RPS6KC1: variants seen among roughly 807,000 people sequenced by gnomAD.
The protein encoded by RPS6KC1 is inactive ribosomal protein S6 kinase delta-1.
A neutral mutation model predicts 103.8 loss-of-function variants in RPS6KC1; 54 were observed. The observed-to-expected ratio is 0.52, with a 90% CI of 0.42 to 0.65. The LOEUF (loss-of-function observed/expected upper bound fraction) is 0.65. RPS6KC1 is among the 30% of genes least tolerant of loss of function. The pLI is 0.00. For missense variants in RPS6KC1, 1,151 were observed against 1,253.8 expected (o/e 0.92, Z 1.24); for synonymous variants, 439 against 438.7 (o/e 1.00, Z -0.01).
chr1:213,601,977 T>TC, the RPS6KC1 span, among the ~76,000 whole-genome samples: 178 of 24,172 alleles, frequency 7.4e-3, 4 homozygotes, highest in East Asian at 0.049. Flanking sequence ...CCTCCCTTCC[T>TC]TCCTCTCTCT....
the RPS6KC1 span, among the ~76,000 whole-genome samples, chr1:213,764,565 G>C: frequency 6.6e-6 from 1 of 152,172 alleles, no homozygotes; most frequent in East Asian, 1.9e-4. Context: ...TACAACCTCA[G>C]AAGCTCTAGT....
chr1:213,074,287 T>A (rs1410106126), intron 2 of RPS6KC1, among the ~76,000 whole-genome samples: 1 of 152,232 alleles, frequency 6.6e-6, no homozygotes, highest in Non-Finnish European at 1.5e-5. Context: ...TTTATATGGT[T>A]GTCACTGAAT....
At chr1:213,247,192 C>T (rs1473349580) in intron 12 of RPS6KC1, among the ~76,000 whole-genome samples, 1 of 152,186 alleles carries the variant, frequency 6.6e-6, no homozygotes, top group Non-Finnish European at 1.5e-5. Flanking sequence ...CTTTTCACTG[C>T]AGCCCGATCT....
At chr1:213,613,862 G>A in the RPS6KC1 span, among the ~76,000 whole-genome samples, 1 of 152,206 alleles carries the variant, frequency 6.6e-6, no homozygotes, top group Admixed American at 6.5e-5. Flanking sequence ...TAGTGCATCT[G>A]GTTCGCTCAT....
the RPS6KC1 span, among the ~76,000 whole-genome samples, chr1:213,650,315 A>G: frequency 6.6e-6 from 1 of 152,226 alleles, no homozygotes; most frequent in Admixed American, 6.5e-5. Context: ...TGTGCAACAA[A>G]TATCACCTGT....
the RPS6KC1 span, among the ~76,000 whole-genome samples, chr1:213,330,740 GTGCTGTCCACTTTGCTC>G: frequency 6.6e-6 from 1 of 152,354 alleles, no homozygotes; most frequent in African/African-American, 2.4e-5. Flanking sequence ...TGGGAACAGG[GTGCTGTCCACTTTGCTC>G]TCCGCGATCA....
the RPS6KC1 span, among the ~76,000 whole-genome samples, chr1:213,351,430 A>G: frequency 4.5e-4 from 69 of 152,350 alleles, no homozygotes; most frequent in African/African-American, 1.6e-3. Context: ...AGCCAATGCA[A>G]AGAAGGTGTG....
the RPS6KC1 span, among the ~76,000 whole-genome samples, chr1:213,483,291 C>A: frequency 3.3e-3 from 508 of 152,236 alleles, 6 homozygotes; most frequent in African/African-American, 0.011. Flanking sequence ...CCTCCCATGA[C>A]GTGGGGATTA....
the RPS6KC1 span, among the ~76,000 whole-genome samples, chr1:213,735,612 G>A: frequency 2.0e-5 from 3 of 152,236 alleles, no homozygotes; most frequent in Non-Finnish European, 2.9e-5. Context: ...GACCAATTTG[G>A]TACAATGATG....
At chr1:213,229,998 A>G (rs1001119786) in intron 8 of RPS6KC1, among the ~76,000 whole-genome samples, 1 of 152,172 alleles carries the variant, frequency 6.6e-6, no homozygotes, top group Non-Finnish European at 1.5e-5. Context: ...GACAGAGCTG[A>G]CAGGATTTGC....
At chr1:213,785,131 G>A in the RPS6KC1 span, among the ~76,000 whole-genome samples, 1 of 152,224 alleles carries the variant, frequency 6.6e-6, no homozygotes, top group South Asian at 2.1e-4. Context: ...ACCCAAACTT[G>A]CTGTTTTATT....
the RPS6KC1 span, among the ~76,000 whole-genome samples, chr1:213,386,345 G>A: frequency 1.3e-5 from 2 of 152,176 alleles, no homozygotes; most frequent in Non-Finnish European, 2.9e-5. Flanking sequence ...CCCAGCCTCA[G>A]GTATTCCTTT....
At chr1:213,837,250 CT>C in the RPS6KC1 span, 1 of 152,026 alleles carries the variant, frequency 6.6e-6, no homozygotes. Flanking sequence ...CAGTAACCCT[CT>C]AAGGCAAGAT....
chr1:213,393,808 GAGA>G, the RPS6KC1 span, among the ~76,000 whole-genome samples: 1 of 152,164 alleles, frequency 6.6e-6, no homozygotes, highest in Non-Finnish European at 1.5e-5. Context: ...TGAAAGGGAG[GAGA>G]AGGAGGAGGA....
chr1:213,767,151 T>C, the RPS6KC1 span, among the ~76,000 whole-genome samples: 5 of 152,278 alleles, frequency 3.3e-5, no homozygotes, highest in Middle Eastern at 3.4e-3. Flanking sequence ...ATGTATCACT[T>C]CCCGACTAAG....
At chr1:213,438,909 T>G in the RPS6KC1 span, among the ~76,000 whole-genome samples, 1 of 150,780 alleles carries the variant, frequency 6.6e-6, no homozygotes, top group African/African-American at 2.4e-5. Flanking sequence ...TTCTCCTGCC[T>G]CAGCCTCCCG....
At chr1:213,532,639 A>C in the RPS6KC1 span, among the ~76,000 whole-genome samples, 4 of 152,214 alleles carry the variant, frequency 2.6e-5, no homozygotes, top group East Asian at 7.7e-4. Flanking sequence ...GGCCAGGCTA[A>C]TCAAGGTTGA....
chr1:213,681,185 C>T, the RPS6KC1 span, among the ~76,000 whole-genome samples: 1 of 152,186 alleles, frequency 6.6e-6, no homozygotes, highest in Non-Finnish European at 1.5e-5. Flanking sequence ...GCCCCCACCT[C>T]TGCTCTGTTC....
intron 7 of RPS6KC1, among the ~76,000 whole-genome samples, chr1:213,168,908 A>G (rs1452702168): frequency 2.6e-5 from 4 of 152,158 alleles, no homozygotes; most frequent in Non-Finnish European, 5.9e-5. Flanking sequence ...TAATTGATCT[A>G]AGAGTCAGGC....
Sources: allele counts gnomAD v4.1 joint callset (sites outside exome capture counted in the v4.1 genomes callset), GRCh38; gene constraint gnomAD v4.1.1; transcripts MANE v1.5; gene names NCBI Gene and HGNC (gene_info 2026-07-23, HGNC 2026-07-21).